PIR: variants seen among roughly 807,000 people sequenced by gnomAD.
The protein encoded by PIR is pirin (iron-binding nuclear protein).
A neutral mutation model predicts 24.2 loss-of-function variants in PIR; 22 were observed. That is an observed-to-expected ratio of 0.91 (90% CI 0.65 to 1.30). The LOEUF (loss-of-function observed/expected upper bound fraction) is 1.30, where lower values mean the gene tolerates loss of function less well. Among genes scored for constraint, PIR ranks in the 50% most tolerant of loss-of-function variants. The probability of loss-of-function intolerance (pLI) is 0.00; values close to 1 mark genes in which losing one functional copy is unlikely to be tolerated. For synonymous variants in PIR, 80 were observed against 79.6 expected (o/e 1.00, Z -0.03); for missense variants, 220 against 220.3 (o/e 1.00, Z 0.01).
At chrX:15,464,596 T>C (rs1256377315) in intron 3 of PIR, among the ~76,000 whole-genome samples, 1 of 112,021 alleles carries the variant, frequency 8.9e-6, no homozygotes, top group Non-Finnish European at 1.9e-5. Context: ...CATGTGTTAC[T>C]GTGTGGAAAA....
At chrX:15,441,136 G>C (rs1925901852) in intron 5 of PIR, among the ~76,000 whole-genome samples, 1 of 111,840 alleles carries the variant, frequency 8.9e-6, no homozygotes, top group African/African-American at 3.3e-5. Flanking sequence ...AGGCTACGAT[G>C]CTCAGAAAGA....
chrX:15,393,783 C>G (rs1359198148), intron 8 of PIR, among the ~76,000 whole-genome samples: 1 of 105,079 alleles, frequency 9.5e-6, no homozygotes, highest in African/African-American at 3.5e-5. Flanking sequence ...TTCAGGGCTC[C>G]TACTGATTCT....
intron 3 of PIR, among the ~76,000 whole-genome samples, chrX:15,476,001 TTCTC>T: frequency 8.9e-6 from 1 of 112,240 alleles, no homozygotes; most frequent in East Asian, 2.8e-4. Flanking sequence ...TAAAATTGGG[TTCTC>T]TCTCTTACTT....
At chrX:15,468,143 T>C (rs755116256) in intron 3 of PIR, among the ~76,000 whole-genome samples, 15 of 112,678 alleles carry the variant, frequency 1.3e-4, no homozygotes, top group African/African-American at 4.8e-4. Context: ...TCGGAACTAT[T>C]GTTGCTTAAG....
chrX:15,389,690 G>A (rs188221639), intron 9 of PIR, among the ~76,000 whole-genome samples: 12 of 110,764 alleles, frequency 1.1e-4, no homozygotes, highest in Admixed American at 1.1e-3. Flanking sequence ...GTACTATTTC[G>A]GCTATATCAG....
chrX:15,419,504 T>G (rs887797135), intron 6 of PIR, among the ~76,000 whole-genome samples: 6 of 110,978 alleles, frequency 5.4e-5, no homozygotes, highest in Non-Finnish European at 9.4e-5. Context: ...GATCTTTTGC[T>G]TCATAGCTGG....
At chrX:15,433,572 G>C (rs1925598212) in intron 5 of PIR, among the ~76,000 whole-genome samples, 1 of 98,053 alleles carries the variant, frequency 1.0e-5, no homozygotes, top group African/African-American at 3.8e-5. Flanking sequence ...GAGAGAGAAA[G>C]AAAGAAATGA....
intron 2 of PIR, among the ~76,000 whole-genome samples, chrX:15,487,030 CA>C (rs1427115999): frequency 8.9e-6 from 1 of 111,772 alleles, no homozygotes; most frequent in Non-Finnish European, 1.9e-5. Context: ...ACAGGCTCCT[CA>C]AGATTGACTC....
intron 6 of PIR, among the ~76,000 whole-genome samples, chrX:15,423,868 C>T (rs1056253035): frequency 1.8e-5 from 2 of 111,950 alleles, no homozygotes; most frequent in African/African-American, 6.5e-5. Context: ...AAAACCACAA[C>T]GAGACATCAT....
chrX:15,396,881 C>T (rs1426279397), intron 8 of PIR, among the ~76,000 whole-genome samples: 1 of 111,331 alleles, frequency 9.0e-6, no homozygotes, highest in Non-Finnish European at 1.9e-5. Flanking sequence ...GCTGGGACCA[C>T]AGGCGCCTGC....
At chrX:15,425,411 C>CTTTTTTTTTTTTTTTTTTTTT (rs756160029) in intron 6 of PIR, among the ~76,000 whole-genome samples, 1 of 92,111 alleles carries the variant, frequency 1.1e-5, no homozygotes. Context: ...TTCTTTCTTT[C>CTTTTTTTTTTTTTTTTTTTTT]TTTTTTTTTT....
intron 5 of PIR, among the ~76,000 whole-genome samples, chrX:15,434,141 G>A (rs1252510427): frequency 1.0e-5 from 1 of 95,649 alleles, no homozygotes; most frequent in Admixed American, 1.1e-4. Context: ...AGAAGGAGGA[G>A]GAGGAAGGAG....
chrX:15,492,069 A>G (rs1923195802), intron 1 of PIR, among the ~76,000 whole-genome samples: 1 of 109,017 alleles, frequency 9.2e-6, no homozygotes, highest in African/African-American at 3.3e-5. Context: ...CCTCACTGGT[A>G]GCACCCATGA....
intron 5 of PIR, among the ~76,000 whole-genome samples, chrX:15,453,490 A>G (rs1920988877): frequency 2.7e-5 from 3 of 112,072 alleles, no homozygotes; most frequent in African/African-American, 9.7e-5. Context: ...CTATCTCCAG[A>G]GTCCATGCAG....
rs763395722 is a variant in PIR, at chrX:15,441,580, G to A, written c.480+14268C>T. On this transcript the variant is annotated intron_variant, in intron 5 of 9. Transcript: ENST00000380420. ...TAATATGTTAATAGAAAAAAAATCA[G>A]GGAATGTTCGAAGGAGCCTCCAGAC... is the stretch of plus-strand genomic sequence containing the variant. 2.7e-5 allele frequency among the ~76,000 whole-genome samples: 3 copies of A among 111,039 alleles called. No homozygotes were observed. The South Asian group carries it at 1.1e-3, about 42-fold the overall frequency.
chrX:15,489,032 T>C (rs1358698566), intron 2 of PIR, among the ~76,000 whole-genome samples: 2 of 112,316 alleles, frequency 1.8e-5, no homozygotes, highest in Non-Finnish European at 3.8e-5. Context: ...ATCTCTAGAC[T>C]GAAATTTAAC....
intron 6 of PIR, among the ~76,000 whole-genome samples, chrX:15,425,035 A>G (rs748052271): frequency 1.0e-5 from 1 of 96,591 alleles, no homozygotes; most frequent in Non-Finnish European, 2.0e-5. Context: ...AGCCAGAATT[A>G]AAAAAAAAAA....
intron 1 of PIR, among the ~76,000 whole-genome samples, chrX:15,492,982 A>G (rs759383936): frequency 3.6e-5 from 4 of 112,484 alleles, no homozygotes; most frequent in Admixed American, 9.3e-5. Context: ...AATTGTATGC[A>G]TGTGAACAAC....
At chrX:15,392,961 C>T (rs988340333) in intron 8 of PIR, among the ~76,000 whole-genome samples, 5 of 112,292 alleles carry the variant, frequency 4.5e-5, no homozygotes, top group African/African-American at 1.3e-4. Flanking sequence ...TTGAAAAGTC[C>T]TTGTCTATGA....
Sources: gnomAD v4.1 joint callset for allele counts (sites outside exome capture counted in the v4.1 genomes callset) on GRCh38, gnomAD v4.1.1 for gene constraint, MANE v1.5 for transcripts, NCBI Gene and HGNC (gene_info 2026-07-23, HGNC 2026-07-21) for gene names.